PLCL2: variants seen among roughly 807,000 people sequenced by gnomAD.
PLCL2 encodes the protein inactive phospholipase C-like protein 2.
PLCL2 carries 4 observed loss-of-function variants against 79.6 expected under a neutral mutation model. The observed-to-expected ratio is 0.05, with a 90% CI of 0.02 to 0.11. The LOEUF (loss-of-function observed/expected upper bound fraction) is 0.11. Ranked by LOEUF, PLCL2 falls within the 10% of genes least tolerant of loss-of-function variation. The pLI is 1.00. For missense variants in PLCL2, 895 were observed against 1,291.0 expected (o/e 0.69, Z 4.70); for synonymous variants, 484 against 457.7 (o/e 1.06, Z -0.73).
intron 1 of PLCL2, among the ~76,000 whole-genome samples, chr3:16,924,922 AGTTT>A (rs1477336224): frequency 6.6e-6 from 1 of 151,942 alleles, no homozygotes; most frequent in African/African-American, 2.4e-5. Context: ...ACAGAATACA[AGTTT>A]GTTTGTTTTT....
intron 1 of PLCL2, among the ~76,000 whole-genome samples, chr3:16,910,273 A>G (rs1696847033): frequency 6.6e-6 from 1 of 151,928 alleles, no homozygotes; most frequent in Non-Finnish European, 1.5e-5. Flanking sequence ...TTTTTTTTAA[A>G]GCTGCTCCCT....
At chr3:17,035,732 G>T in intron 3 of PLCL2, 1 of 511,902 alleles carries the variant, frequency 2.0e-6, no homozygotes, top group Non-Finnish European at 3.9e-6. Flanking sequence ...ATCCAATCTG[G>T]CCCTCACTCC....
At chr3:16,980,266 G>C (rs1250016337) in intron 1 of PLCL2, among the ~76,000 whole-genome samples, 23 of 144,416 alleles carry the variant, frequency 1.6e-4, no homozygotes, top group Admixed American at 1.2e-3. Context: ...CTGGCCGGGC[G>C]GGGGGCTGAC....
intron 3 of PLCL2, among the ~76,000 whole-genome samples, chr3:17,034,274 G>A (rs958280256): frequency 1.4e-4 from 22 of 152,168 alleles, no homozygotes; most frequent in African/African-American, 5.3e-4. Context: ...GCGATGGGAT[G>A]GCATCCTGTC....
At chr3:16,885,613 C>CA in intron 1 of PLCL2, among the ~76,000 whole-genome samples, 1 of 152,282 alleles carries the variant, frequency 6.6e-6, no homozygotes, top group South Asian at 2.1e-4. Context: ...TCACCTCTTC[C>CA]AGGATTGGTC....
At chr3:17,033,805 T>C (rs2064611705) in intron 3 of PLCL2, among the ~76,000 whole-genome samples, 1 of 152,202 alleles carries the variant, frequency 6.6e-6, no homozygotes, top group Admixed American at 6.5e-5. Context: ...GCCATGTTTA[T>C]TGTAGTATTT....
At chr3:17,008,068 G>T (rs1229363760) in intron 1 of PLCL2, among the ~76,000 whole-genome samples, 1 of 152,120 alleles carries the variant, frequency 6.6e-6, no homozygotes, top group African/African-American at 2.4e-5. Flanking sequence ...ACCTTAAGCA[G>T]GAAAGTTGAA....
At chr3:17,058,474 G>A (rs957983711) in intron 4 of PLCL2, among the ~76,000 whole-genome samples, 4 of 152,096 alleles carry the variant, frequency 2.6e-5, no homozygotes, top group African/African-American at 7.2e-5. Context: ...GCTTCATCTT[G>A]GAAGGATGGA....
At chr3:16,973,179 A>G (rs1034083536) in intron 1 of PLCL2, among the ~76,000 whole-genome samples, 1 of 152,122 alleles carries the variant, frequency 6.6e-6, no homozygotes, top group Non-Finnish European at 1.5e-5. Flanking sequence ...AGGTCAGGTG[A>G]TAATAGATTT....
At chr3:17,038,548 C>T (rs1352959028) in intron 3 of PLCL2, among the ~76,000 whole-genome samples, 1 of 152,106 alleles carries the variant, frequency 6.6e-6, no homozygotes, top group Non-Finnish European at 1.5e-5. Flanking sequence ...ACTACCTGCA[C>T]ATCTGTTTTT....
chr3:17,077,527 A>T (rs2065119781), intron 5 of PLCL2, among the ~76,000 whole-genome samples: 1 of 152,116 alleles, frequency 6.6e-6, no homozygotes, highest in African/African-American at 2.4e-5. Context: ...GTAGAATGGA[A>T]ATTCTGTAAT....
chr3:16,942,634 T>C (rs2063562883), intron 1 of PLCL2, among the ~76,000 whole-genome samples: 1 of 152,228 alleles, frequency 6.6e-6, no homozygotes, highest in South Asian at 2.1e-4. Context: ...CTCATTGTCC[T>C]ATTCTCTTTT....
intron 1 of PLCL2, among the ~76,000 whole-genome samples, chr3:16,986,344 GA>G (rs1442999997): frequency 6.6e-6 from 1 of 151,970 alleles, no homozygotes; most frequent in Non-Finnish European, 1.5e-5. Flanking sequence ...GTTCCTTCCG[GA>G]CCCTACAGTT....
intron 5 of PLCL2, among the ~76,000 whole-genome samples, chr3:17,087,963 T>C (rs1227011222): frequency 6.6e-6 from 1 of 152,210 alleles, no homozygotes; most frequent in Admixed American, 6.5e-5. Context: ...CAATATGCTA[T>C]ATATACAAAG....
intron 3 of PLCL2, among the ~76,000 whole-genome samples, chr3:17,026,147 T>A (rs2064515100): frequency 6.6e-6 from 1 of 152,198 alleles, no homozygotes; most frequent in Non-Finnish European, 1.5e-5. Context: ...ACCAGACGAA[T>A]TTATCAGGAA....
At chr3:16,974,061 A>G (rs1173315661) in intron 1 of PLCL2, among the ~76,000 whole-genome samples, 3 of 152,214 alleles carry the variant, frequency 2.0e-5, no homozygotes, top group Non-Finnish European at 4.4e-5. Flanking sequence ...CAACTAGAAC[A>G]GAATAAGCAA....
intron 1 of PLCL2, among the ~76,000 whole-genome samples, chr3:16,922,466 A>T (rs1697146106): frequency 6.6e-6 from 1 of 152,178 alleles, no homozygotes; most frequent in African/African-American, 2.4e-5. Context: ...GCTATGGAGG[A>T]GGCCAAATTA....
intron 5 of PLCL2, among the ~76,000 whole-genome samples, chr3:17,083,849 A>G (rs1299476171): frequency 1.3e-5 from 2 of 152,198 alleles, no homozygotes; most frequent in East Asian, 3.9e-4. Flanking sequence ...GAGTAGTAGC[A>G]GGATATCAGA....
chr3:17,013,889 C>T (rs565487259), intron 2 of PLCL2, among the ~76,000 whole-genome samples: 34 of 152,290 alleles, frequency 2.2e-4, no homozygotes, highest in African/African-American at 6.7e-4. Context: ...AGCTGTGTGA[C>T]GCTAGACAAA....
Sources: allele counts gnomAD v4.1 joint callset (sites outside exome capture counted in the v4.1 genomes callset), GRCh38; gene constraint gnomAD v4.1.1; transcripts MANE v1.5; gene names NCBI Gene and HGNC (gene_info 2026-07-23, HGNC 2026-07-21).